ARHGAP19: variants seen among roughly 807,000 people sequenced by gnomAD.
ARHGAP19 encodes the protein Rho GTPase activating protein 19.
A neutral mutation model predicts 60.9 loss-of-function variants in ARHGAP19; 48 were observed. That is an observed-to-expected ratio of 0.79 (90% confidence interval 0.62 to 1.00). The LOEUF is 1.00. Ranked by LOEUF, ARHGAP19 falls within the 50% of genes least tolerant of loss-of-function variation. ARHGAP19 has a pLI of 0.00. For missense variants in ARHGAP19, 562 were observed against 597.2 expected (o/e 0.94, Z 0.61); for synonymous variants, 209 against 215.5 (o/e 0.97, Z 0.27).
chr10:97,243,853 C>A, intron 8 of ARHGAP19, 115 bp downstream of exon 8: 1 of 1,021,846 alleles, frequency 9.8e-7, no homozygotes, highest in Non-Finnish European at 1.4e-6. Context: ...ATAGACAAGC[C>A]TGATTTCTCA....
chr10:97,247,990 G>A (rs1341236145), intron 6 of ARHGAP19, among the ~76,000 whole-genome samples: 1 of 146,870 alleles, frequency 6.8e-6, no homozygotes, highest in Admixed American at 6.8e-5. Context: ...TTTTGAGACG[G>A]AGTCTCACTC....
At position 97,222,746 on chromosome 10, in the gene ARHGAP19, C is replaced by G. The variant is rs1464398384; in HGVS notation, c.*3376G>C. On this transcript the variant is annotated 3_prime_UTR_variant, in exon 12 of 12. Transcript: ENST00000358531. ...TCTAGGTCCTGTCTTCCGTTTGAAG[C>G]CTTCAGGGTAAAGGAGGGCAGAGAT... The G allele has an allele frequency of 6.6e-6, 1 of 152,068 alleles. No individual in the cohort carries two copies. The highest frequency in any genetic ancestry group is 1.9e-4 in the East Asian group (1 of 5,186). The allele number at this position is 152,068 out of a possible 1,614,324, so 9.4% of individuals were successfully genotyped here.
intron 1 of ARHGAP19, among the ~76,000 whole-genome samples, chr10:97,282,904 G>A (rs1359090467): frequency 6.9e-6 from 1 of 144,092 alleles, no homozygotes; most frequent in Non-Finnish European, 1.5e-5. Context: ...GTGCAGTGGT[G>A]CGATCTCGGC....
At chr10:97,259,197 C>T (rs1325044249) in intron 5 of ARHGAP19, among the ~76,000 whole-genome samples, 1 of 152,144 alleles carries the variant, frequency 6.6e-6, no homozygotes, top group Non-Finnish European at 1.5e-5. Flanking sequence ...TGTAGGTTTA[C>T]CAGAGATTGA....
At chr10:97,271,097 T>C (rs1236790363) in intron 1 of ARHGAP19, among the ~76,000 whole-genome samples, 1 of 152,152 alleles carries the variant, frequency 6.6e-6, no homozygotes, top group East Asian at 1.9e-4. Context: ...AAAGAGTTTC[T>C]TAAACAAGAC....
At chr10:97,272,965 C>T (rs1425291780) in intron 1 of ARHGAP19, among the ~76,000 whole-genome samples, 5 of 151,704 alleles carry the variant, frequency 3.3e-5, no homozygotes, top group East Asian at 1.9e-4. Flanking sequence ...CTCAGCCTCC[C>T]GAGTAGCTGG....
intron 1 of ARHGAP19, chr10:97,270,589 A>G: frequency 6.5e-7 from 1 of 1,540,826 alleles, no homozygotes; most frequent in Non-Finnish European, 8.8e-7. Context: ...GTTCAAGAAA[A>G]TAAATACATT....
At chr10:97,285,511 TTTTTTTGC>T (rs1843143069) in intron 1 of ARHGAP19, among the ~76,000 whole-genome samples, 1 of 149,538 alleles carries the variant, frequency 6.7e-6, no homozygotes, top group Non-Finnish European at 1.5e-5. Flanking sequence ...TTTCTCTTTT[TTTTTTTGC>T]TTTTTTTTTT....
At chr10:97,283,553 C>CAAA (rs879561476) in intron 1 of ARHGAP19, among the ~76,000 whole-genome samples, 1 of 133,320 alleles carries the variant, frequency 7.5e-6, no homozygotes, top group South Asian at 2.4e-4. Context: ...GACTCTGTCT[C>CAAA]AAAAAAAAAA....
In ARHGAP19 at chr10:97,271,166, A is replaced by G. The variant is rs564813532; in HGVS notation, c.57-5041T>C. ...TAACTACATTAAATTTTTCTGTATA[A>G]CAAATGACATTACATACTAAATGTC... On this transcript the variant is annotated intron_variant, in intron 1 of 11. Coordinates refer to ENST00000358531, the MANE Select transcript of ARHGAP19 (RefSeq NM_032900.6). 3.3e-5 allele frequency among the ~76,000 whole-genome samples: 5 copies of G among 152,330 alleles called. No homozygotes were observed. In the South Asian group the frequency reaches 1.0e-3, roughly 32 times the overall value.
At chr10:97,292,366 C>T (rs567447492) in intron 1 of ARHGAP19, among the ~76,000 whole-genome samples, 21 of 152,366 alleles carry the variant, frequency 1.4e-4, no homozygotes, top group Middle Eastern at 3.4e-3. Flanking sequence ...CCCTCGGGCA[C>T]CGGCAGGACC....
chr10:97,229,065 C>G (rs1040710494), intron 11 of ARHGAP19, 82 bp downstream of exon 11: 9 of 1,336,406 alleles, frequency 6.7e-6, no homozygotes, highest in Non-Finnish European at 9.7e-6. Flanking sequence ...ATGTACTATC[C>G]TGGGAATTCA....
Position 97,266,039 on chromosome 10 carries a change from T to G in ARHGAP19, c.143A>C (p.Lys48Thr), listed in dbSNP as rs145373661. The G allele has an allele frequency of 7.4e-6, 12 of 1,614,056 alleles. No homozygotes were observed. The highest frequency in any genetic ancestry group is 1.0e-5 in the Non-Finnish European group (12 of 1,180,054). The change falls in exon 2 of 12, where the codon AAA (lysine) becomes ACA (threonine). Residue 48 changes from lysine (K) to threonine (T), a missense_variant. Transcript: ENST00000358531. ...IIFNPDFFVEKLRHEKPEIFT... is the reference protein window; with the variant it reads ...IIFNPDFFVETLRHEKPEIFT... ...AATCTCAGGTTTCTCATGTCGGAGT[T>G]TCTCCACAAAAAAGTCAGGATTAAA... is the stretch of plus-strand genomic sequence containing the variant.
At chr10:97,269,705 A>G (rs1842938987) in intron 1 of ARHGAP19, among the ~76,000 whole-genome samples, 1 of 152,200 alleles carries the variant, frequency 6.6e-6, no homozygotes, top group Admixed American at 6.5e-5. Flanking sequence ...CTTATAATTT[A>G]TTGAGTCTAA....
At chr10:97,256,461 A>T in intron 5 of ARHGAP19, 57 bp from the exon 6 acceptor site, 1 of 1,224,628 alleles carries the variant, frequency 8.2e-7, no homozygotes, top group Non-Finnish European at 1.2e-6. Flanking sequence ...AGTAGTACTT[A>T]CCAATAAGCC....
At chr10:97,237,697 C>T (rs550077380) in intron 8 of ARHGAP19, among the ~76,000 whole-genome samples, 1 of 152,164 alleles carries the variant, frequency 6.6e-6, no homozygotes, top group South Asian at 2.1e-4. Context: ...AGGGTGAAAC[C>T]TCATCTGTAC....
chr10:97,227,288 C>T (rs1287200839), intron 11 of ARHGAP19, among the ~76,000 whole-genome samples: 2 of 152,118 alleles, frequency 1.3e-5, no homozygotes, highest in African/African-American at 2.4e-5. Flanking sequence ...ACATGGCAGG[C>T]ACCTGGATCT....
At chr10:97,244,695 C>T (rs1175592545) in intron 7 of ARHGAP19, among the ~76,000 whole-genome samples, 1 of 152,160 alleles carries the variant, frequency 6.6e-6, no homozygotes, top group Non-Finnish European at 1.5e-5. Context: ...AACCACACTC[C>T]AGTTAAACTA....
intron 6 of ARHGAP19, among the ~76,000 whole-genome samples, chr10:97,255,576 G>GA (rs905638888): frequency 1.1e-4 from 16 of 150,612 alleles, no homozygotes; most frequent in South Asian, 8.4e-4. Context: ...GACCTTGTCT[G>GA]AAAAAAAAAG....
Sources: allele counts gnomAD v4.1 joint callset (sites outside exome capture counted in the v4.1 genomes callset), GRCh38; gene constraint gnomAD v4.1.1; transcripts MANE v1.5; gene names NCBI Gene and HGNC (gene_info 2026-07-23, HGNC 2026-07-21).